The following KLHL8 variants were observed in gnomAD, a reference collection of about 807,000 sequenced individuals.
The protein encoded by KLHL8 is kelch like family member 8, also known as kelch-like protein 8.
A neutral mutation model predicts 63.5 loss-of-function variants in KLHL8; 38 were observed. The ratio of observed to expected loss-of-function variants is 0.60; its 90% confidence interval spans 0.46 to 0.78. The LOEUF (loss-of-function observed/expected upper bound fraction) is 0.78, where lower values mean the gene tolerates loss of function less well. KLHL8 is among the 30% of genes least tolerant of loss of function. The pLI is 0.00. For synonymous variants in KLHL8, 224 were observed against 254.3 expected, an observed-to-expected ratio of 0.88 and a Z score of 1.13; for missense variants, 566 against 752.4, an observed-to-expected ratio of 0.75 and a Z score of 2.90.
At chr4:87,222,988 T>A (rs1019661762), upstream of KLHL8, among the ~76,000 whole-genome samples, 1 of 152,208 alleles carries the variant, frequency 6.6e-6, no homozygotes, top group African/African-American at 2.4e-5. Flanking sequence ...AGTCTCACTC[T>A]GTTGCCTAGG....
intron 2 of KLHL8, among the ~76,000 whole-genome samples, chr4:87,187,537 ACTTCT>A (rs1384031725): frequency 6.6e-6 from 1 of 151,784 alleles, no homozygotes; most frequent in African/African-American, 2.4e-5. Flanking sequence ...TATATTTCAA[ACTTCT>A]CTTTTAGTTT....
chr4:87,174,419 C>T (rs887719468), intron 6 of KLHL8, among the ~76,000 whole-genome samples: 2 of 152,040 alleles, frequency 1.3e-5, no homozygotes, highest in African/African-American at 4.8e-5. Flanking sequence ...GCTGGGATTA[C>T]AGGCACCCGC....
intron 2 of KLHL8, among the ~76,000 whole-genome samples, chr4:87,189,329 C>T (rs563199148): frequency 6.6e-6 from 1 of 152,296 alleles, no homozygotes; most frequent in Non-Finnish European, 1.5e-5. Flanking sequence ...AAGGTGGGAG[C>T]TTCAGGCTAA....
At position 87,163,861 on chromosome 4, in the gene KLHL8, G is replaced by C; in HGVS notation, c.1739+17C>G. 1.2e-6 allele frequency: 2 copies of C among 1,609,180 alleles called. No homozygotes were observed. The highest frequency in any genetic ancestry group is 8.5e-7 in the Non-Finnish European group (1 of 1,175,874). ...ACCAGAAGATAATATAAAGCACGGA[G>C]ACAACATGTAAATTACCTATTCAGC... On this transcript the variant is annotated intron_variant, in intron 9 of 9. Transcript: ENST00000273963.
At position 87,163,206 on chromosome 4, in the gene KLHL8, A is replaced by C. The variant is rs1412823714; in HGVS notation, c.*313T>G. 5.0e-6 allele frequency: 1 copy of C among 198,702 alleles called. No homozygotes were observed. Among genetic ancestry groups the C allele is most frequent in the East Asian group, 1.3e-4 (1 of 7,710 alleles). 12.3% of individuals were successfully genotyped at this position (198,702 alleles called of 1,614,324 possible). ...AACAAATTACATTTTGATTCATCCA[A>C]ATAGAGAGAGAGAGAGAGATTTCAA... On this transcript the variant is annotated 3_prime_UTR_variant, in exon 10 of 10. Coordinates refer to ENST00000273963, the MANE Select transcript of KLHL8 (RefSeq NM_020803.5).
chr4:87,189,348 G>C (rs764553340), intron 2 of KLHL8, among the ~76,000 whole-genome samples: 3 of 152,164 alleles, frequency 2.0e-5, no homozygotes, highest in African/African-American at 4.8e-5. Context: ...AAACTTAACA[G>C]TACTCAGGGA....
At chr4:87,176,711 C>A in intron 6 of KLHL8, 46 bp downstream of exon 6, 1 of 1,128,464 alleles carries the variant, frequency 8.9e-7, no homozygotes, top group Non-Finnish European at 1.3e-6. Flanking sequence ...TTTTAAGAAA[C>A]TTTATTTCCA....
At chr4:87,227,564 C>A (rs1733055341) in intron 1 of KLHL8, among the ~76,000 whole-genome samples, 1 of 152,040 alleles carries the variant, frequency 6.6e-6, no homozygotes, top group Non-Finnish European at 1.5e-5. Flanking sequence ...GTGGGAGGAT[C>A]CCTTGAGCCC....
chr4:87,194,303 A>G (rs1731612570), intron 2 of KLHL8, among the ~76,000 whole-genome samples: 1 of 152,238 alleles, frequency 6.6e-6, no homozygotes, highest in Admixed American at 6.5e-5. Flanking sequence ...TGAGAAACAG[A>G]GAGGGCAGCC....
intron 1 of KLHL8, among the ~76,000 whole-genome samples, chr4:87,202,111 A>T (rs1320977365): frequency 1.3e-5 from 2 of 152,086 alleles, no homozygotes; most frequent in Admixed American, 1.3e-4. Flanking sequence ...CTCTCCAAAA[A>T]AAAAAAGAGA....
intron 4 of KLHL8, among the ~76,000 whole-genome samples, chr4:87,180,899 C>G (rs1218058759): frequency 6.6e-6 from 1 of 151,842 alleles, no homozygotes; most frequent in Non-Finnish European, 1.5e-5. Flanking sequence ...AAAAATATAT[C>G]TGGGTATGTG....
In KLHL8 at chr4:87,163,524, T is replaced by A; in HGVS notation, c.1858A>T (p.Met620Leu). Reference sequence around the variant, plus strand: ...GTTGGTGGCCAGAACTCAAATCACATACAGTCAACCACATTATTGGATCCA... The same window carrying A: ...GTTGGTGGCCAGAACTCAAATCACAAACAGTCAACCACATTATTGGATCCA... Reference protein sequence around the residue: ...GHGSNNVVDCM With the variant: ...GHGSNNVVDCL The change falls in exon 10 of 10, where the codon ATG (methionine) becomes TTG (leucine). Residue 620 changes from methionine to leucine, a missense_variant. Transcript: ENST00000273963. The A allele has an allele frequency of 6.2e-7, 1 of 1,614,048 alleles. No individual in the cohort carries two copies. The highest frequency in any genetic ancestry group is 8.5e-7 in the Non-Finnish European group (1 of 1,179,976).
intron 4 of KLHL8, among the ~76,000 whole-genome samples, chr4:87,180,464 T>C (rs1014316297): frequency 3.3e-5 from 5 of 152,228 alleles, no homozygotes; most frequent in African/African-American, 1.2e-4. Context: ...AAAAAATAAC[T>C]ACTGTTTTCT....
In KLHL8 at chr4:87,185,603, TG is replaced by T; in HGVS notation, c.412del (p.Gln138SerfsTer23). 6.2e-7 allele frequency: 1 copy of T among 1,614,236 alleles called. No homozygotes were observed. The highest frequency in any genetic ancestry group is 8.5e-7 in the Non-Finnish European group (1 of 1,180,032). Reference protein sequence around the residue: ...SRLTLTVDNVQPLLYAACILQ... With the variant: ...SRLTLTVDNVXPLLYAACILQ... ...AATACAGGCTGCATATAAGAGAGGC[TG>T]GACATTGTCAACAGTCAAAGTGAGC... On this transcript the variant is annotated frameshift_variant, in exon 3 of 10. Coordinates refer to ENST00000273963, the MANE Select transcript of KLHL8 (RefSeq NM_020803.5). LOFTEE classifies it high-confidence loss of function.
intron 1 of KLHL8, among the ~76,000 whole-genome samples, chr4:87,205,008 AG>A (rs1732064494): frequency 6.6e-6 from 1 of 152,246 alleles, no homozygotes; most frequent in African/African-American, 2.4e-5. Flanking sequence ...ATGGAAAAAA[AG>A]ATTGTTGCAT....
upstream of KLHL8, among the ~76,000 whole-genome samples, chr4:87,223,611 AC>A (rs1732922756): frequency 1.3e-5 from 2 of 152,208 alleles, no homozygotes; most frequent in South Asian, 4.1e-4. Flanking sequence ...TTTGGGGAGC[AC>A]CTAAGATACA....
rs202085491 is a variant in KLHL8, at chr4:87,207,466, G to A, written c.-151-11776C>T. 2.0e-5 allele frequency: 15 copies of A among 740,636 alleles called. No homozygotes were observed. In the Middle Eastern group the frequency reaches 7.6e-4, roughly 38 times the overall value. The allele number at this position is 740,636 out of a possible 1,614,324, so 45.9% of individuals were successfully genotyped here. ...CATCATCTCTCCCCACTTTGTTGAC[G>A]CCCCCATGTTAGTGATGGGCATGAA... On this transcript the variant is annotated intron_variant, in intron 1 of 9. Coordinates refer to ENST00000273963, the MANE Select transcript of KLHL8 (RefSeq NM_020803.5).
chr4:87,226,448 A>C (rs1335039150), intron 1 of KLHL8, among the ~76,000 whole-genome samples: 2 of 149,768 alleles, frequency 1.3e-5, no homozygotes, highest in Non-Finnish European at 3.0e-5. Context: ...CTGTAGTCCC[A>C]GCTACTTGGG....
chr4:87,195,194 TGA>T, intron 2 of KLHL8, 128 bp downstream of exon 2: 1 of 648,126 alleles, frequency 1.5e-6, no homozygotes, highest in East Asian at 2.7e-5. Context: ...AAAAAAAGAT[TGA>T]GACTAAAAGC....
Sources: gnomAD v4.1 joint callset for allele counts (sites outside exome capture counted in the v4.1 genomes callset) on GRCh38, gnomAD v4.1.1 for gene constraint, MANE v1.5 for transcripts, NCBI Gene and HGNC (gene_info 2026-07-23, HGNC 2026-07-21) for gene names.